Variants in SYT1 observed in about 807,000 individuals in gnomAD.
The protein encoded by SYT1 is synaptotagmin 1, also known as synaptotagmin-1.
Under a neutral mutation model 44.8 loss-of-function variants are expected in SYT1, and 8 were observed. The observed-to-expected ratio is 0.18, with a 90% CI of 0.10 to 0.32. The LOEUF (loss-of-function observed/expected upper bound fraction) is 0.32. SYT1 is among the 10% of genes least tolerant of loss of function. The pLI is 1.00. For synonymous variants in SYT1, 154 were observed against 188.8 expected, an observed-to-expected ratio of 0.82 and a Z score of 1.51; for missense variants, 286 against 509.3, an observed-to-expected ratio of 0.56 and a Z score of 4.22.
intron 8 of SYT1, among the ~76,000 whole-genome samples, chr12:79,353,239 T>C (rs889710517): frequency 6.6e-6 from 1 of 152,126 alleles, no homozygotes; most frequent in Non-Finnish European, 1.5e-5. Context: ...TCCTGCACCA[T>C]TGAATTATAG....
At chr12:79,134,296 T>G (rs1028250518) in intron 3 of SYT1, among the ~76,000 whole-genome samples, 1 of 152,240 alleles carries the variant, frequency 6.6e-6, no homozygotes, top group Non-Finnish European at 1.5e-5. Context: ...TTTGAATTAC[T>G]ATAAAAGAAA....
At chr12:79,167,444 T>C (rs751943079) in intron 3 of SYT1, among the ~76,000 whole-genome samples, 5 of 151,942 alleles carry the variant, frequency 3.3e-5, no homozygotes, top group Non-Finnish European at 7.4e-5. Context: ...GTAGTGGAAA[T>C]GGATTTGAAA....
chr12:78,937,993 C>T (rs188197988), intron 1 of SYT1, among the ~76,000 whole-genome samples: 2 of 152,178 alleles, frequency 1.3e-5, no homozygotes, highest in East Asian at 3.9e-4. Flanking sequence ...CAATGCTTAC[C>T]ATACAAAGGC....
At chr12:79,281,422 T>A (rs1879048123) in intron 4 of SYT1, among the ~76,000 whole-genome samples, 1 of 152,150 alleles carries the variant, frequency 6.6e-6, no homozygotes, top group African/African-American at 2.4e-5. Flanking sequence ...CTAAGTGAAG[T>A]AACTCAGAAA....
intron 2 of SYT1, among the ~76,000 whole-genome samples, chr12:79,039,700 C>T (rs1490446133): frequency 6.7e-6 from 1 of 149,520 alleles, no homozygotes. Context: ...TATACATGTG[C>T]CATGCTGGTG....
rs144819167 is a variant in SYT1, at chr12:79,092,506, G to GA, written c.-18+45154dup. Among the ~76,000 whole-genome samples the GA allele has an allele frequency of 1.4e-4, 21 of 148,144 alleles. No homozygotes were observed. In the East Asian group the frequency reaches 2.4e-3, roughly 17 times the overall value. On this transcript the variant is annotated intron_variant, in intron 3 of 10. Transcript: ENST00000261205. ...TCCCGTAAACTGTAGATAGCTGAAA[G>GA]AAAAAAAAAATTAATGTGGAAAATG...
intron 1 of SYT1, among the ~76,000 whole-genome samples, chr12:78,906,025 C>G (rs1366868504): frequency 6.6e-6 from 1 of 151,690 alleles, no homozygotes; most frequent in Non-Finnish European, 1.5e-5. Context: ...TTCAAGGAAT[C>G]TGAAGAAATA....
intron 3 of SYT1, among the ~76,000 whole-genome samples, chr12:79,136,510 A>C (rs1486257473): frequency 6.6e-6 from 1 of 152,202 alleles, no homozygotes; most frequent in East Asian, 1.9e-4. Context: ...CAATTACAAA[A>C]AGACTTCTAA....
chr12:79,145,924 A>AT (rs892596063), intron 3 of SYT1, among the ~76,000 whole-genome samples: 4 of 151,480 alleles, frequency 2.6e-5, no homozygotes, highest in African/African-American at 7.3e-5. Flanking sequence ...CGCCCGGCTA[A>AT]TTTTTTGTAT....
chr12:79,077,192 G>C (rs111307329), intron 3 of SYT1, among the ~76,000 whole-genome samples: 2,279 of 152,132 alleles, frequency 0.015, 22 homozygotes, highest in Non-Finnish European at 0.024. Flanking sequence ...CCCACCTCTA[G>C]AGAATGAGAA....
chr12:79,207,832 A>G (rs377007215), intron 3 of SYT1, among the ~76,000 whole-genome samples: 4 of 152,164 alleles, frequency 2.6e-5, no homozygotes, highest in African/African-American at 9.7e-5. Context: ...CTTTTGCTCA[A>G]CTTCAAGAGA....
Position 79,411,096 on chromosome 12 carries a change from T to C in SYT1, c.929-32977T>C, listed in dbSNP as rs115628478. ...TGTAAATGACATAGAAATTTATTTC[T>C]CTGGAATATGAAATAATGTAAAGAT... On this transcript the variant is annotated intron_variant, in intron 9 of 10. Transcript: ENST00000261205. 1.9e-3 allele frequency among the ~76,000 whole-genome samples: 296 copies of C among 152,270 alleles called. 1 individual carries two copies. Among genetic ancestry groups the C allele is most frequent in the African/African-American group, 6.9e-3 (288 of 41,558 alleles).
intron 4 of SYT1, 78 bp downstream of exon 4, chr12:79,217,763 C>G: frequency 8.5e-7 from 1 of 1,178,994 alleles, no homozygotes; most frequent in Non-Finnish European, 1.2e-6. Context: ...AAGTAGAACT[C>G]CGTTTGATAT....
chr12:79,389,077 T>C (rs1366489996), intron 9 of SYT1, among the ~76,000 whole-genome samples: 1 of 152,216 alleles, frequency 6.6e-6, no homozygotes, highest in East Asian at 1.9e-4. Context: ...TTACTCTCCA[T>C]AGGTACTCTC....
chr12:79,354,493 T>A (rs1007472706), intron 9 of SYT1, among the ~76,000 whole-genome samples: 1 of 152,166 alleles, frequency 6.6e-6, no homozygotes, highest in Non-Finnish European at 1.5e-5. Context: ...TAAGGCAGCA[T>A]GGTGATTTTT....
chr12:79,175,630 A>G (rs1393903338), intron 3 of SYT1, among the ~76,000 whole-genome samples: 1 of 152,068 alleles, frequency 6.6e-6, no homozygotes, highest in Non-Finnish European at 1.5e-5. Flanking sequence ...TTGAATCTCC[A>G]TGGTAAATTA....
At position 79,374,773 on chromosome 12, in the gene SYT1, G is replaced by T. The variant is rs142265817; in HGVS notation, c.928+21154G>T. ...AAATGCCTACTTACTAAGTGCCACA[G>T]TGAGGAGCTGGAGAGCTGGTGGTAG... On this transcript the variant is annotated intron_variant, in intron 9 of 10. Coordinates refer to ENST00000261205, the MANE Select transcript of SYT1 (RefSeq NM_005639.3). Among the ~76,000 whole-genome samples the T allele has an allele frequency of 4.3e-3, 658 of 152,348 alleles. 3 individuals are homozygous for T. Among genetic ancestry groups the T allele is most frequent in the African/African-American group, 0.014 (589 of 41,578 alleles).
intron 1 of SYT1, among the ~76,000 whole-genome samples, chr12:78,900,719 C>A (rs1393574177): frequency 6.6e-6 from 1 of 151,934 alleles, no homozygotes; most frequent in Non-Finnish European, 1.5e-5. Context: ...GACTGAACTA[C>A]AAGTATCATG....
At chr12:79,200,631 C>A (rs1351384231) in intron 3 of SYT1, among the ~76,000 whole-genome samples, 1 of 152,140 alleles carries the variant, frequency 6.6e-6, no homozygotes, top group East Asian at 1.9e-4. Context: ...GGTACCTGCC[C>A]AGGCACTTAG....
Sources: gnomAD v4.1 joint callset for allele counts (sites outside exome capture counted in the v4.1 genomes callset) on GRCh38, gnomAD v4.1.1 for gene constraint, MANE v1.5 for transcripts, NCBI Gene and HGNC (gene_info 2026-07-23, HGNC 2026-07-21) for gene names.